The following BBOF1 variants were observed in gnomAD, a reference collection of about 807,000 sequenced individuals.
The protein encoded by BBOF1 is basal body orientation factor 1.
BBOF1 carries 62 observed loss-of-function variants against 68.0 expected under a neutral mutation model. The ratio of observed to expected loss-of-function variants is 0.91; its 90% CI spans 0.74 to 1.13. BBOF1 has a LOEUF of 1.13. Among genes scored for constraint, BBOF1 ranks in the 50% most tolerant of loss-of-function variants. The pLI is 0.00. For missense variants in BBOF1, 534 were observed against 600.1 expected (o/e 0.89, Z 1.15); for synonymous variants, 208 against 198.8 (o/e 1.05, Z -0.39).
chr14:74,069,901 G>C (rs956111273), downstream of BBOF1, among the ~76,000 whole-genome samples: 2 of 130,566 alleles, frequency 1.5e-5, no homozygotes, highest in Non-Finnish European at 3.1e-5. Flanking sequence ...ACCTAGGCTA[G>C]AGTACAGTGG....
At chr14:74,021,485 G>A (rs977236943) in intron 1 of BBOF1, among the ~76,000 whole-genome samples, 1 of 151,982 alleles carries the variant, frequency 6.6e-6, no homozygotes, top group Non-Finnish European at 1.5e-5. Context: ...AGTTACTTAG[G>A]AGGCTGAGGT....
chr14:74,035,957 TGAAGA>T (rs1391729258), intron 4 of BBOF1, among the ~76,000 whole-genome samples: 3 of 152,168 alleles, frequency 2.0e-5, no homozygotes, highest in African/African-American at 4.8e-5. Context: ...TACCATCATT[TGAAGA>T]GAAGAGTGTC....
downstream of BBOF1, chr14:74,069,166 A>T: frequency 1.9e-6 from 1 of 535,834 alleles, no homozygotes; most frequent in Admixed American, 3.6e-5. Flanking sequence ...GTGCAGTGGC[A>T]CAATTTCGGC....
chr14:74,046,799 C>G (rs1361241431), intron 6 of BBOF1: 1 of 152,306 alleles, frequency 6.6e-6, no homozygotes, highest in Non-Finnish European at 1.5e-5. Context: ...ACATTGGCAT[C>G]ATCATGGTTC....
chr14:74,065,742 A>T lies in BBOF1; in HGVS notation c.*1043A>T, dbSNP rs759248139. On this transcript the variant is annotated 3_prime_UTR_variant, in exon 12 of 12. Coordinates refer to ENST00000394009, the MANE Select transcript of BBOF1 (RefSeq NM_025057.3). ...AATCTATAGTAAATATACCAGGATA[A>T]TTTTTCTCTTTACAGAAACCCCATG... 1.2e-4 allele frequency: 27 copies of T among 218,018 alleles called. No homozygotes were observed. Among genetic ancestry groups the T allele is most frequent in the Non-Finnish European group, 2.4e-4 (26 of 107,634 alleles). The allele number at this position is 218,018 out of a possible 1,614,324, so 13.5% of individuals were successfully genotyped here. A position where few individuals can be genotyped will look rare whatever the true frequency, so the allele number is the denominator to read the frequency against.
At chr14:74,082,393 GTTTTTTTTTTTT>G (rs869211328) in intron 12 of BBOF1, among the ~76,000 whole-genome samples, 3 of 77,568 alleles carry the variant, frequency 3.9e-5, no homozygotes, top group African/African-American at 1.0e-4. Context: ...CAAAATCGAG[GTTTTTTTTTTTT>G]TTTTTTTTTT....
chr14:74,060,437 T>C (rs1255904000), intron 11 of BBOF1: 1 of 581,920 alleles, frequency 1.7e-6, no homozygotes, highest in Non-Finnish European at 3.1e-6. Flanking sequence ...AATAGAAGTA[T>C]GAAGAGCAAG....
chr14:74,042,879 GACACACAC>G (rs71460947), intron 5 of BBOF1, among the ~76,000 whole-genome samples: 2,057 of 143,752 alleles, frequency 0.014, 46 homozygotes, highest in African/African-American at 0.048. Flanking sequence ...CACACACACA[GACACACAC>G]ACACACACAC....
At chr14:74,038,713 A>G (rs1483944994) in intron 4 of BBOF1, among the ~76,000 whole-genome samples, 2 of 152,190 alleles carry the variant, frequency 1.3e-5, no homozygotes, top group Admixed American at 6.6e-5. Context: ...AAAGAAAAAA[A>G]TTATTTCTGG....
intron 11 of BBOF1, chr14:74,057,970 C>A: frequency 1.1e-6 from 1 of 872,740 alleles, no homozygotes; most frequent in Non-Finnish European, 1.4e-6. Flanking sequence ...TTTAATTCCA[C>A]TTGGAATATA....
intron 2 of BBOF1, among the ~76,000 whole-genome samples, chr14:74,027,821 T>C (rs1459258647): frequency 1.3e-5 from 2 of 151,952 alleles, no homozygotes; most frequent in East Asian, 3.9e-4. Flanking sequence ...AAAAAGTCAA[T>C]TTAAAAACAA....
In BBOF1 at chr14:74,057,266, G is replaced by A. The variant is rs1293214808; in HGVS notation, c.1578+8G>A. ...CCTCAGGAGTCTGACACAGTAAGGA[G>A]TCTGTATCTAATCAAACAATGTATA... On this transcript the variant is annotated splice_region_variant and intron_variant, in intron 11 of 11. Coordinates refer to ENST00000394009, the MANE Select transcript of BBOF1 (RefSeq NM_025057.3). The A allele has an allele frequency of 6.2e-7, 1 of 1,614,112 alleles. No individual in the cohort carries two copies. The highest frequency in any genetic ancestry group is 1.1e-5 in the South Asian group (1 of 91,082).
At chr14:74,031,252 G>A (rs1364181010) in intron 3 of BBOF1, among the ~76,000 whole-genome samples, 5 of 151,900 alleles carry the variant, frequency 3.3e-5, no homozygotes, top group African/African-American at 7.2e-5. Flanking sequence ...AGCTGGAACT[G>A]TAGGCGAGTA....
At chr14:74,063,081 C>T (rs528520393) in intron 11 of BBOF1, among the ~76,000 whole-genome samples, 1 of 152,314 alleles carries the variant, frequency 6.6e-6, no homozygotes, top group East Asian at 1.9e-4. Flanking sequence ...CTTTTCTTCT[C>T]ATTTGCTCAC....
intron 3 of BBOF1, among the ~76,000 whole-genome samples, chr14:74,032,157 G>A (rs570225542): frequency 9.0e-5 from 11 of 122,482 alleles, no homozygotes; most frequent in Admixed American, 7.5e-4. Context: ...ACAGAGTCTC[G>A]CTCTTGTCTC....
At chr14:74,050,797 A>T (rs956902127) in intron 8 of BBOF1, among the ~76,000 whole-genome samples, 9 of 151,802 alleles carry the variant, frequency 5.9e-5, no homozygotes, top group East Asian at 5.8e-4. Context: ...CCATATAATT[A>T]AAAAAAAATC....
chr14:74,074,216 A>G (rs946982824), intron 9 of BBOF1, among the ~76,000 whole-genome samples: 3 of 151,690 alleles, frequency 2.0e-5, no homozygotes, highest in South Asian at 2.1e-4. Flanking sequence ...AACTCTGACA[A>G]TCCACCTGCC....
chr14:74,028,154 G>A (rs1595016764), intron 2 of BBOF1, among the ~76,000 whole-genome samples: 1 of 152,026 alleles, frequency 6.6e-6, no homozygotes, highest in African/African-American at 2.4e-5. Flanking sequence ...GATCACCTGA[G>A]GTCAGAAGTT....
At chr14:74,050,295 G>T in intron 8 of BBOF1, 100 bp downstream of exon 8, 1 of 1,353,576 alleles carries the variant, frequency 7.4e-7, no homozygotes, top group Non-Finnish European at 1.0e-6. Flanking sequence ...TTCAAGTATT[G>T]AATAGATTTC....
Sources: gnomAD v4.1 joint callset for allele counts (sites outside exome capture counted in the v4.1 genomes callset) on GRCh38, gnomAD v4.1.1 for gene constraint, MANE v1.5 for transcripts, NCBI Gene and HGNC (gene_info 2026-07-23, HGNC 2026-07-21) for gene names.